Variants in SGSM1 observed in about 807,000 individuals in gnomAD.
SGSM1 encodes small G protein signaling modulator 1.
A neutral mutation model predicts 133.8 loss-of-function variants in SGSM1; 73 were observed. The observed-to-expected ratio is 0.55, with a 90% CI of 0.45 to 0.66. The LOEUF is 0.66. SGSM1 is among the 30% of genes least tolerant of loss of function. The pLI is 0.00. For missense variants in SGSM1, 1,213 were observed against 1,448.1 expected (o/e 0.84, Z 2.64); for synonymous variants, 563 against 573.0 (o/e 0.98, Z 0.25).
At chr22:24,843,961 AG>A (rs1929944632) in intron 2 of SGSM1, 1 of 152,192 alleles carries the variant, frequency 6.6e-6, no homozygotes, top group South Asian at 2.1e-4. Context: ...CCCACTTGGG[AG>A]GTCTCCAAGC....
At chr22:24,856,047 A>G in intron 8 of SGSM1, 1 of 409,646 alleles carries the variant, frequency 2.4e-6, no homozygotes, top group Non-Finnish European at 4.8e-6. Context: ...CCATCCCTCC[A>G]TCTATCCATC....
rs559654158 is a variant in SGSM1, at chr22:24,883,397, A to G, written c.1496-656A>G. On this transcript the variant is annotated intron_variant, in intron 14 of 24. Coordinates refer to ENST00000400358, the MANE Select transcript of SGSM1 (RefSeq NM_001098497.3). The stretch of plus-strand genomic sequence containing the variant: ...CATTCTCTTTCTTGCTGTATGGATT[A>G]GAGACAGACAGAGGCACAGCAAGCC... Among the ~76,000 whole-genome samples the G allele has an allele frequency of 2.6e-5, 4 of 152,340 alleles. No homozygotes were observed. In the East Asian group the frequency reaches 5.8e-4, roughly 22 times the overall value.
intron 5 of SGSM1, among the ~76,000 whole-genome samples, chr22:24,852,737 C>T (rs991762474): frequency 9.2e-5 from 14 of 152,292 alleles, no homozygotes; most frequent in African/African-American, 3.4e-4. Context: ...GCCACTGTGC[C>T]TGGTCGTTTT....
chr22:24,869,461 CA>C (rs1438057397), intron 12 of SGSM1, among the ~76,000 whole-genome samples: 1 of 152,052 alleles, frequency 6.6e-6, no homozygotes, highest in Non-Finnish European at 1.5e-5. Context: ...GTCGAGGCTG[CA>C]GTAAGCCGTG....
At chr22:24,899,512 T>C (rs900306915) in intron 19 of SGSM1, among the ~76,000 whole-genome samples, 1 of 133,814 alleles carries the variant, frequency 7.5e-6, no homozygotes, top group Admixed American at 7.5e-5. Flanking sequence ...TTTTTGCTTT[T>C]CTTTTCTTTT....
chr22:24,922,338 A>G (rs969218800), intron 24 of SGSM1, among the ~76,000 whole-genome samples: 1 of 151,628 alleles, frequency 6.6e-6, no homozygotes, highest in African/African-American at 2.4e-5. Context: ...CCGCCACCAC[A>G]CCTGGCTAAT....
chr22:24,883,292 G>A (rs1211797306), intron 14 of SGSM1, among the ~76,000 whole-genome samples: 5 of 152,156 alleles, frequency 3.3e-5, no homozygotes, highest in African/African-American at 9.7e-5. Flanking sequence ...CAGTAAACAT[G>A]GGGGTGCAGA....
At chr22:24,824,156 G>A (rs910900212) in intron 2 of SGSM1, among the ~76,000 whole-genome samples, 3 of 152,144 alleles carry the variant, frequency 2.0e-5, no homozygotes, top group African/African-American at 7.2e-5. Flanking sequence ...GCGGAGAGGG[G>A]CACGTGACTT....
At chr22:24,863,752 T>C (rs920444203) in intron 9 of SGSM1, among the ~76,000 whole-genome samples, 1 of 151,216 alleles carries the variant, frequency 6.6e-6, no homozygotes, top group African/African-American at 2.4e-5. Context: ...TTCTTTTTTT[T>C]TTTTTTGAGA....
intron 12 of SGSM1, among the ~76,000 whole-genome samples, chr22:24,869,280 G>C (rs1463266498): frequency 6.6e-6 from 1 of 152,200 alleles, no homozygotes; most frequent in African/African-American, 2.4e-5. Context: ...GCCGAAATTT[G>C]GGAGGGAGCA....
chr22:24,868,897 C>A, intron 12 of SGSM1, 42 bp downstream of exon 12: 1 of 1,599,184 alleles, frequency 6.3e-7, no homozygotes, highest in African/African-American at 1.3e-5. Context: ...CACCTGCTAA[C>A]TGATCCTGAA....
intron 16 of SGSM1, among the ~76,000 whole-genome samples, chr22:24,892,825 G>A (rs190999612): frequency 0.011 from 1,661 of 149,680 alleles, 35 homozygotes; most frequent in African/African-American, 0.039. Context: ...GAGGCGGGCG[G>A]ATCACGAGGT....
chr22:24,808,110 T>G (rs1006792584), intron 2 of SGSM1, among the ~76,000 whole-genome samples: 1 of 150,160 alleles, frequency 6.7e-6, no homozygotes, highest in Non-Finnish European at 1.5e-5. Flanking sequence ...TTTTTTTTTC[T>G]TGGTGTTTTT....
intron 9 of SGSM1, among the ~76,000 whole-genome samples, chr22:24,865,864 C>G (rs1047050110): frequency 1.5e-4 from 23 of 152,102 alleles, no homozygotes; most frequent in African/African-American, 5.3e-4. Context: ...TCCGGTGGAC[C>G]ATTGACTGTT....
At chr22:24,894,752 A>G (rs1932876398) in intron 17 of SGSM1, among the ~76,000 whole-genome samples, 1 of 152,160 alleles carries the variant, frequency 6.6e-6, no homozygotes, top group African/African-American at 2.4e-5. Flanking sequence ...AGGGTGTTCT[A>G]AGCCTCTGCT....
chr22:24,874,025 A>G (rs1385047873), intron 12 of SGSM1, among the ~76,000 whole-genome samples: 5 of 152,266 alleles, frequency 3.3e-5, no homozygotes, highest in African/African-American at 9.6e-5. Context: ...TGGAAAGAGG[A>G]GAGGGACTTC....
At position 24,841,889 on chromosome 22, in the gene SGSM1, C is replaced by T. The variant is rs1929827166; in HGVS notation, c.64-3008C>T. 3.3e-5 allele frequency among the ~76,000 whole-genome samples: 5 copies of T among 152,106 alleles called. No homozygotes were observed. In the South Asian group the frequency reaches 1.0e-3, roughly 32 times the overall value. ...TGTCCTAAGGGGGTAAAGGAATTTG[C>T]CCAAGTTGTGATAAGTGTCTCATCC... On this transcript the variant is annotated intron_variant, in intron 2 of 24. Coordinates refer to ENST00000400358, the MANE Select transcript of SGSM1 (RefSeq NM_001098497.3).
intron 2 of SGSM1, among the ~76,000 whole-genome samples, chr22:24,827,849 T>C (rs1339976708): frequency 1.3e-5 from 2 of 152,056 alleles, no homozygotes; most frequent in African/African-American, 4.8e-5. Flanking sequence ...CATTCTGGGC[T>C]CTCACTCTCT....
intron 2 of SGSM1, among the ~76,000 whole-genome samples, chr22:24,827,222 C>A (rs1230425151): frequency 6.6e-6 from 1 of 152,018 alleles, no homozygotes; most frequent in Non-Finnish European, 1.5e-5. Flanking sequence ...GGGCAGGTGG[C>A]AGGTGAGAGG....
Sources: allele counts gnomAD v4.1 joint callset (sites outside exome capture counted in the v4.1 genomes callset), GRCh38; gene constraint gnomAD v4.1.1; transcripts MANE v1.5; gene names NCBI Gene and HGNC (gene_info 2026-07-23, HGNC 2026-07-21).